The following COL4A5 variants were observed in gnomAD, a reference collection of about 807,000 sequenced individuals.
The protein encoded by COL4A5 is collagen alpha-5(IV) chain.
Under a neutral mutation model 130.2 loss-of-function variants are expected in COL4A5, and 26 were observed. The observed-to-expected ratio is 0.20, with a 90% CI of 0.15 to 0.28. COL4A5 has a LOEUF of 0.28. Among genes scored for constraint, COL4A5 ranks in the 10% least tolerant of loss-of-function variants. COL4A5 has a pLI of 1.00. For missense variants in COL4A5, 1,131 were observed against 1,344.3 expected (o/e 0.84, Z 2.48); for synonymous variants, 496 against 439.6 (o/e 1.13, Z -1.60).
intron 47 of COL4A5, among the ~76,000 whole-genome samples, chrX:108,683,158 C>T (rs745958310): frequency 1.3e-4 from 15 of 111,607 alleles, no homozygotes; most frequent in African/African-American, 4.6e-4. Context: ...AATCCTTTCC[C>T]CATTGCTTGT....
rs72618364 is a variant in COL4A5, at chrX:108,550,237, G to A, written c.142-8827G>A. Among the ~76,000 whole-genome samples, 766 of 111,421 alleles carry A rather than the reference G, an allele frequency of 6.9e-3. 16 individuals carry two copies. Among genetic ancestry groups the A allele is most frequent in the Admixed American group, 0.045 (477 of 10,492 alleles). ...CGACAAAATTACAGAAACAGAAAAC[G>A]ACAGACTAGTATCCCTCATGAGCAT... On this transcript the variant is annotated intron_variant, in intron 2 of 52. Coordinates refer to ENST00000328300, the MANE Select transcript of COL4A5 (RefSeq NM_033380.3).
Position 108,584,530 on chromosome X carries a change from GTT to G in COL4A5, c.1032+16_1032+17del, listed in dbSNP as rs761615270. ...CCACCTGGACCTCCTGGACTTGTAAGTTTTTTTTTTTTAGTCTTCGTTTATCA... is the reference window on the plus strand; with the variant it reads ...CCACCTGGACCTCCTGGACTTGTAAGTTTTTTTTTTAGTCTTCGTTTATCA... On this transcript the variant is annotated splice_donor_region_variant and intron_variant, in intron 18 of 52. Transcript: ENST00000328300. The G allele has an allele frequency of 2.5e-5, 24 of 968,323 alleles. No homozygotes were observed. Among genetic ancestry groups the G allele is most frequent in the Admixed American group, 8.2e-5 (3 of 36,383 alleles). The allele number at this position is 968,323 out of a possible 1,213,427, so 79.8% of individuals were successfully genotyped here.
chrX:108,518,187 A>G (rs1261787608), intron 1 of COL4A5, among the ~76,000 whole-genome samples: 3 of 111,252 alleles, frequency 2.7e-5, no homozygotes, highest in Non-Finnish European at 5.7e-5. Flanking sequence ...TCTAATATAG[A>G]AATCTCATTT....
intron 36 of COL4A5, among the ~76,000 whole-genome samples, chrX:108,639,234 A>T (rs751839820): frequency 9.0e-6 from 1 of 111,381 alleles, no homozygotes; most frequent in Admixed American, 9.5e-5. Context: ...GACCAGAGAT[A>T]AAATCTCTGG....
At chrX:108,455,208 C>T (rs2064572403) in intron 1 of COL4A5, among the ~76,000 whole-genome samples, 1 of 111,552 alleles carries the variant, frequency 9.0e-6, no homozygotes, top group South Asian at 3.7e-4. Context: ...ACATTCTTTG[C>T]TCTGACTTAT....
At chrX:108,492,937 CTA>C (rs1313446901) in intron 1 of COL4A5, among the ~76,000 whole-genome samples, 4 of 110,628 alleles carry the variant, frequency 3.6e-5, no homozygotes, top group Non-Finnish European at 5.7e-5. Flanking sequence ...CCTGGATCTG[CTA>C]TGTTTCTCTT....
At chrX:108,585,683 T>C (rs2147786500) in intron 18 of COL4A5, among the ~76,000 whole-genome samples, 1 of 111,640 alleles carries the variant, frequency 9.0e-6, no homozygotes, top group East Asian at 2.8e-4. Flanking sequence ...TTTACCTTTA[T>C]AGGTCTATAA....
intron 37 of COL4A5, among the ~76,000 whole-genome samples, chrX:108,661,633 A>G (rs774383477): frequency 7.2e-5 from 8 of 111,387 alleles, no homozygotes; most frequent in East Asian, 2.8e-4. Context: ...GTTTCTTCCA[A>G]TCTGCTAATT....
intron 1 of COL4A5, among the ~76,000 whole-genome samples, chrX:108,441,831 C>T (rs1351203233): frequency 9.0e-6 from 1 of 111,559 alleles, no homozygotes; most frequent in Non-Finnish European, 1.9e-5. Flanking sequence ...CAAATTTGCA[C>T]CAGATGACAA....
intron 1 of COL4A5, among the ~76,000 whole-genome samples, chrX:108,497,652 A>G (rs759873187): frequency 3.0e-3 from 334 of 111,477 alleles, no homozygotes; most frequent in African/African-American, 0.01. Flanking sequence ...ATTGCATTCT[A>G]TATTGTCATT....
chrX:108,625,841 T>C, intron 35 of COL4A5, 47 bp downstream of exon 35: 1 of 928,704 alleles, frequency 1.1e-6, no homozygotes, highest in South Asian at 2.0e-5. Flanking sequence ...TAATGAAAGG[T>C]GGTTCAATAT....
At chrX:108,551,068 C>G (rs1475108868) in intron 2 of COL4A5, among the ~76,000 whole-genome samples, 1 of 111,591 alleles carries the variant, frequency 9.0e-6, no homozygotes, top group Non-Finnish European at 1.9e-5. Flanking sequence ...AAATACCATT[C>G]TAGACATTGG....
In COL4A5 at chrX:108,686,012, C is replaced by T. The variant is rs2068536944; in HGVS notation, c.4217-19C>T. ...AAAATATTCTACTCATATTTGAATG[C>T]CTCATTCTTTTCCTGTAGGTCCAAC... On this transcript the variant is annotated intron_variant, in intron 47 of 52. Transcript: ENST00000328300. The T allele has an allele frequency of 5.2e-6, 6 of 1,163,706 alleles. No individual in the cohort carries two copies. Among genetic ancestry groups the T allele is most frequent in the East Asian group, 6.0e-5 (2 of 33,505 alleles).
chrX:108,689,867 G>A lies in COL4A5; in HGVS notation c.4528+2173G>A, dbSNP rs370412752. 76 of 752,450 alleles carry A rather than the reference G, an allele frequency of 1.0e-4. 1 individual carries two copies. In the African/African-American group the frequency reaches 1.6e-3, roughly 16 times the overall value. 62.0% of individuals were successfully genotyped at this position (752,450 alleles called of 1,213,427 possible). On this transcript the variant is annotated intron_variant, in intron 49 of 52. Transcript: ENST00000328300. ...GTCTTATAACTATGGGGTATAGAGGGCATTGGGAGTATATGGGATCACTCT... is the reference window on the plus strand; with the variant it reads ...GTCTTATAACTATGGGGTATAGAGGACATTGGGAGTATATGGGATCACTCT...
chrX:108,600,620 A>C (rs755129987), intron 25 of COL4A5, among the ~76,000 whole-genome samples: 15 of 103,134 alleles, frequency 1.5e-4, no homozygotes, highest in Non-Finnish European at 2.6e-4. Context: ...GAACCAATAA[A>C]AAGGATGGAC....
At chrX:108,654,915 C>T (rs1366577472) in intron 36 of COL4A5, among the ~76,000 whole-genome samples, 1 of 112,425 alleles carries the variant, frequency 8.9e-6, no homozygotes, top group Non-Finnish European at 1.9e-5. Context: ...TGTTTGAATC[C>T]AAATTCGGAT....
rs370615145 is a variant in COL4A5 at position 108,449,250 on chromosome X, G to T, written c.81+9044G>T. Among the ~76,000 whole-genome samples, 10 of 111,889 alleles carry T rather than the reference G, an allele frequency of 8.9e-5. No homozygotes were observed. In the East Asian group the frequency reaches 1.1e-3, roughly 13 times the overall value. On this transcript the variant is annotated intron_variant, in intron 1 of 52. Transcript: ENST00000328300. The stretch of plus-strand genomic sequence containing the variant: ...TATGTAAATAAACTCATGATGTTTT[G>T]GGGGGAAGGAAGAAACAGTTTCTAT...
chrX:108,618,313 A>G (rs1335653254), intron 30 of COL4A5, among the ~76,000 whole-genome samples: 3 of 111,725 alleles, frequency 2.7e-5, no homozygotes, highest in African/African-American at 6.5e-5. Context: ...AACGATGAAG[A>G]AAGAAATCCT....
chrX:108,604,220 T>C (rs754573968), intron 28 of COL4A5, among the ~76,000 whole-genome samples: 2 of 112,436 alleles, frequency 1.8e-5, no homozygotes, highest in Non-Finnish European at 3.8e-5. Context: ...GCCAGATCCA[T>C]AAGAAGAATC....
Sources: gnomAD v4.1 joint callset for allele counts (sites outside exome capture counted in the v4.1 genomes callset) on GRCh38, gnomAD v4.1.1 for gene constraint, MANE v1.5 for transcripts, NCBI Gene and HGNC (gene_info 2026-07-23, HGNC 2026-07-21) for gene names.